Variants in SMYD3 observed in about 807,000 individuals in gnomAD.
The protein encoded by SMYD3 is histone-lysine N-methyltransferase SMYD3.
Under a neutral mutation model 57.7 loss-of-function variants are expected in SMYD3, and 36 were observed. The ratio of observed to expected loss-of-function variants is 0.62; its 90% CI spans 0.48 to 0.82. The LOEUF (loss-of-function observed/expected upper bound fraction) is 0.82, where lower values mean the gene tolerates loss of function less well. Among genes scored for constraint, SMYD3 ranks in the 40% least tolerant of loss-of-function variants. The probability of loss-of-function intolerance (pLI) is 0.00; values close to 1 mark genes in which losing one functional copy is unlikely to be tolerated. For missense variants in SMYD3, 515 were observed against 538.8 expected (o/e 0.96, Z 0.44); for synonymous variants, 211 against 195.0 (o/e 1.08, Z -0.68).
intron 8 of SMYD3, among the ~76,000 whole-genome samples, chr1:245,898,386 T>C (rs774825545): frequency 3.3e-5 from 5 of 152,122 alleles, no homozygotes; most frequent in African/African-American, 7.2e-5. Context: ...AGGGAACAAT[T>C]AGATAAAGGA....
intron 5 of SMYD3, among the ~76,000 whole-genome samples, chr1:245,983,402 A>G (rs2058640622): frequency 6.6e-6 from 1 of 152,244 alleles, no homozygotes; most frequent in Non-Finnish European, 1.5e-5. Context: ...TCATGAAATG[A>G]AACGACAACC....
intron 5 of SMYD3, among the ~76,000 whole-genome samples, chr1:246,240,664 C>T (rs1373720506): frequency 6.6e-6 from 1 of 152,142 alleles, no homozygotes; most frequent in African/African-American, 2.4e-5. Flanking sequence ...AGCATTGAAT[C>T]TACAAATTAC....
chr1:246,328,906 G>A (rs1334574770), intron 4 of SMYD3, among the ~76,000 whole-genome samples: 2 of 147,932 alleles, frequency 1.4e-5, no homozygotes, highest in African/African-American at 2.5e-5. Context: ...TGTTCTCATT[G>A]TTCAATTCCC....
chr1:246,269,837 T>C (rs1287413888), intron 5 of SMYD3, among the ~76,000 whole-genome samples: 1 of 152,154 alleles, frequency 6.6e-6, no homozygotes, highest in East Asian at 1.9e-4. Flanking sequence ...CCTCCCAAAG[T>C]GCTGGGATTC....
At chr1:246,195,633 G>A (rs980044626) in intron 5 of SMYD3, among the ~76,000 whole-genome samples, 5 of 151,270 alleles carry the variant, frequency 3.3e-5, no homozygotes, top group South Asian at 2.1e-4. Context: ...ACACACACAC[G>A]CACTGAAAGA....
intron 8 of SMYD3, among the ~76,000 whole-genome samples, chr1:245,894,337 AG>A (rs2053605707): frequency 6.8e-6 from 1 of 147,020 alleles, no homozygotes; most frequent in Non-Finnish European, 1.5e-5. Context: ...ACTCTGTAAA[AG>A]GAACCAATCA....
At chr1:245,949,266 C>T (rs1342683385) in intron 5 of SMYD3, among the ~76,000 whole-genome samples, 6 of 152,124 alleles carry the variant, frequency 3.9e-5, no homozygotes, top group South Asian at 2.1e-4. Context: ...AACGTGGATG[C>T]CAGTGTACAC....
In SMYD3 at chr1:246,377,494, C is replaced by G. The variant is rs142210492; in HGVS notation, c.165-22400G>C. Among the ~76,000 whole-genome samples the G allele has an allele frequency of 1.1e-3, 169 of 151,942 alleles. 3 individuals carry two copies. The East Asian group carries it at 0.028, about 25-fold the overall frequency. ...AAGCGATTCTCCTGCCTCAGCCTCC[C>G]GAGTAGCTGGGAGTACAGGTACCTG... On this transcript the variant is annotated intron_variant, in intron 1 of 11. Transcript: ENST00000490107.
intron 5 of SMYD3, among the ~76,000 whole-genome samples, chr1:246,092,271 G>C (rs2060836291): frequency 6.6e-6 from 1 of 152,106 alleles, no homozygotes; most frequent in East Asian, 1.9e-4. Flanking sequence ...TACATGCACA[G>C]TGCAAATTTA....
intron 5 of SMYD3, among the ~76,000 whole-genome samples, chr1:246,175,586 T>C (rs2062418773): frequency 6.6e-6 from 1 of 152,186 alleles, no homozygotes; most frequent in South Asian, 2.1e-4. Context: ...AAGTAGTCTG[T>C]GAACTATCGA....
chr1:246,382,171 A>G (rs1464739476), intron 1 of SMYD3, among the ~76,000 whole-genome samples: 40 of 127,632 alleles, frequency 3.1e-4, no homozygotes, highest in African/African-American at 1.1e-3. Flanking sequence ...TATAGCCCCA[A>G]ACCCCTCCAG....
At chr1:246,304,363 G>A (rs894688185) in intron 5 of SMYD3, among the ~76,000 whole-genome samples, 1 of 152,050 alleles carries the variant, frequency 6.6e-6, no homozygotes. Context: ...ATTTATTTCA[G>A]TTTAAAAAAC....
intron 5 of SMYD3, among the ~76,000 whole-genome samples, chr1:245,953,862 T>C (rs1466920825): frequency 2.0e-5 from 3 of 152,250 alleles, no homozygotes; most frequent in Non-Finnish European, 4.4e-5. Flanking sequence ...GCATGTTCAA[T>C]GCTGAATAAG....
chr1:245,879,496 C>G (rs917270751), intron 8 of SMYD3, among the ~76,000 whole-genome samples: 1 of 152,130 alleles, frequency 6.6e-6, no homozygotes, highest in Admixed American at 6.5e-5. Flanking sequence ...CTCTGAGCAA[C>G]GAGAAAGCAT....
At chr1:246,278,698 G>A (rs141137071) in intron 5 of SMYD3, among the ~76,000 whole-genome samples, 40 of 152,292 alleles carry the variant, frequency 2.6e-4, no homozygotes, top group African/African-American at 9.4e-4. Context: ...CTGACACCTT[G>A]ACGAGAGCTT....
At chr1:246,493,341 G>A (rs1291023576) in intron 1 of SMYD3, among the ~76,000 whole-genome samples, 1 of 151,846 alleles carries the variant, frequency 6.6e-6, no homozygotes, top group East Asian at 1.9e-4. Context: ...AGTAGGAGGA[G>A]GCAGCTGTAG....
chr1:246,072,566 A>C (rs1431284646), intron 5 of SMYD3, among the ~76,000 whole-genome samples: 1 of 152,226 alleles, frequency 6.6e-6, no homozygotes, highest in Non-Finnish European at 1.5e-5. Context: ...CACAAGGGGT[A>C]GACTTGTAGA....
intron 10 of SMYD3, among the ~76,000 whole-genome samples, chr1:245,821,679 T>A (rs1403650204): frequency 1.3e-5 from 2 of 149,820 alleles, no homozygotes; most frequent in South Asian, 4.4e-4. Context: ...GAATCTACAA[T>A]GAACTCAAAC....
In SMYD3 at chr1:246,156,357, CA is replaced by C. The variant is rs112368894; in HGVS notation, c.531+170843del. 0.015 allele frequency among the ~76,000 whole-genome samples: 2,334 copies of C among 152,044 alleles called. 202 individuals are homozygous for C. The East Asian group carries it at 0.24, about 16-fold the overall frequency. On this transcript the variant is annotated intron_variant, in intron 5 of 11. Coordinates refer to ENST00000490107, the MANE Select transcript of SMYD3 (RefSeq NM_001167740.2). The stretch of plus-strand genomic sequence containing the variant: ...CAGAGACAAGCAATTTACCTGCACA[CA>C]AAATTAAGTTTTTTAAATAATTTAG...
Sources: allele counts gnomAD v4.1 joint callset (sites outside exome capture counted in the v4.1 genomes callset), GRCh38; gene constraint gnomAD v4.1.1; transcripts MANE v1.5; gene names NCBI Gene and HGNC (gene_info 2026-07-23, HGNC 2026-07-21).